EXT2: variants seen among roughly 807,000 people sequenced by gnomAD.
EXT2 encodes exostosin-2.
Under a neutral mutation model 81.6 loss-of-function variants are expected in EXT2, and 53 were observed. That is an observed-to-expected ratio of 0.65 (90% CI 0.52 to 0.82). The LOEUF is 0.82. Among genes scored for constraint, EXT2 ranks in the 40% least tolerant of loss-of-function variants. The probability of loss-of-function intolerance (pLI) is 0.00; values close to 1 mark genes in which losing one functional copy is unlikely to be tolerated. For synonymous variants in EXT2, 320 were observed against 340.0 expected, an observed-to-expected ratio of 0.94 and a Z score of 0.65; for missense variants, 774 against 910.2, an observed-to-expected ratio of 0.85 and a Z score of 1.93.
At chr11:44,143,582 A>G (rs1954674611) in intron 7 of EXT2, among the ~76,000 whole-genome samples, 1 of 152,124 alleles carries the variant, frequency 6.6e-6, no homozygotes, top group Non-Finnish European at 1.5e-5. Flanking sequence ...AAGAGTCTCA[A>G]TTTGGGAAAC....
chr11:44,147,074 C>T (rs1285665592), intron 7 of EXT2, among the ~76,000 whole-genome samples: 1 of 152,120 alleles, frequency 6.6e-6, no homozygotes, highest in Non-Finnish European at 1.5e-5. Flanking sequence ...ATCCTTGTAA[C>T]ATTGCATGCC....
intron 10 of EXT2, among the ~76,000 whole-genome samples, chr11:44,208,160 C>T (rs1166890209): frequency 6.6e-6 from 1 of 151,168 alleles, no homozygotes; most frequent in Non-Finnish European, 1.5e-5. Context: ...AACAAATTGC[C>T]TACTTGTTTT....
intron 13 of EXT2, among the ~76,000 whole-genome samples, chr11:44,242,840 C>T (rs1956052025): frequency 1.3e-5 from 2 of 152,136 alleles, no homozygotes; most frequent in Admixed American, 1.3e-4. Context: ...TTGGCTCTAG[C>T]TTTTTCTAGT....
chr11:44,164,958 A>G (rs1406582148), intron 7 of EXT2, among the ~76,000 whole-genome samples: 3 of 147,598 alleles, frequency 2.0e-5, no homozygotes, highest in Middle Eastern at 3.5e-3. Context: ...GGCTCACTGC[A>G]AGCTCCGCCT....
At chr11:44,135,917 A>G (rs1954559972) in intron 7 of EXT2, among the ~76,000 whole-genome samples, 1 of 152,228 alleles carries the variant, frequency 6.6e-6, no homozygotes, top group Admixed American at 6.5e-5. Context: ...CAAAACTGTT[A>G]TTAATGTGGC....
In EXT2 at chr11:44,247,200, C is replaced by T. The variant is rs186933779; in HGVS notation, c.*2913C>T. Among the ~76,000 whole-genome samples, 14 of 150,482 alleles carry T rather than the reference C, an allele frequency of 9.3e-5. No homozygotes were observed. The highest frequency in any genetic ancestry group is 3.2e-4 in the African/African-American group (13 of 41,044). On this transcript the variant is annotated 3_prime_UTR_variant, in exon 14 of 14. Transcript: ENST00000533608. Reference sequence around the variant, plus strand: ...AGAGAAAAACAGCAACTTTAGTTGTCAGAATCTTGTGTTCTTTCCTGCCAG... The same window carrying T: ...AGAGAAAAACAGCAACTTTAGTTGTTAGAATCTTGTGTTCTTTCCTGCCAG...
intron 10 of EXT2, among the ~76,000 whole-genome samples, chr11:44,217,398 A>G (rs915479043): frequency 5.9e-5 from 9 of 152,096 alleles, no homozygotes; most frequent in African/African-American, 4.8e-5. Flanking sequence ...GTGTGTTTAT[A>G]TGGGTCGTAT....
In EXT2 at chr11:44,220,262, A is replaced by C. The variant is rs948878562; in HGVS notation, c.1663-12091A>C. ...AAAGTTGAGCTTTTAGAAAACCATAATTTTTTTAGGCCTGTTGTGTACCCT... is the reference window on the plus strand; with the variant it reads ...AAAGTTGAGCTTTTAGAAAACCATACTTTTTTTAGGCCTGTTGTGTACCCT... On this transcript the variant is annotated intron_variant, in intron 10 of 13. Transcript: ENST00000533608. The surrounding 1 kb of genome is among the most constrained non-coding windows in gnomAD (Gnocchi z 4.4). Among the ~76,000 whole-genome samples the C allele has an allele frequency of 6.6e-6, 1 of 152,096 alleles. No individual in the cohort carries two copies. Among genetic ancestry groups the C allele is most frequent in the Non-Finnish European group, 1.5e-5 (1 of 68,024 alleles).
At chr11:44,105,787 A>G (rs1954046364) in intron 1 of EXT2, among the ~76,000 whole-genome samples, 1 of 152,212 alleles carries the variant, frequency 6.6e-6, no homozygotes, top group Non-Finnish European at 1.5e-5. Context: ...CTACATTTTT[A>G]GCTGAGGACT....
chr11:44,171,080 T>C (rs1478646655), intron 7 of EXT2, among the ~76,000 whole-genome samples: 1 of 152,134 alleles, frequency 6.6e-6, no homozygotes, highest in African/African-American at 2.4e-5. Context: ...GAAGAGTAAA[T>C]ACTGTTTGAT....
intron 7 of EXT2, among the ~76,000 whole-genome samples, chr11:44,130,682 T>A (rs1405728743): frequency 6.6e-6 from 1 of 152,248 alleles, no homozygotes; most frequent in Non-Finnish European, 1.5e-5. Flanking sequence ...CCACTTGATG[T>A]CCCACTGAGT....
At chr11:44,227,682 G>A (rs1222581759) in intron 10 of EXT2, among the ~76,000 whole-genome samples, 2 of 152,194 alleles carry the variant, frequency 1.3e-5, no homozygotes, top group Non-Finnish European at 1.5e-5. Flanking sequence ...GACCTCAGGA[G>A]GCTCAAGAAA....
intron 6 of EXT2, among the ~76,000 whole-genome samples, chr11:44,127,198 T>G (rs1301987973): frequency 6.6e-6 from 1 of 152,214 alleles, no homozygotes; most frequent in Non-Finnish European, 1.5e-5. Context: ...TTCCTTTACG[T>G]ATAGTCTGGC....
chr11:44,236,257 C>T (rs530683423), intron 12 of EXT2, 36 bp from the exon 13 acceptor site: 2 of 1,593,176 alleles, frequency 1.3e-6, no homozygotes, highest in Admixed American at 3.3e-5. Context: ...GTCCTTGACA[C>T]TGACAGCCAG....
chr11:44,118,969 T>G (rs1305664094), intron 4 of EXT2, among the ~76,000 whole-genome samples: 1 of 151,056 alleles, frequency 6.6e-6, no homozygotes, highest in East Asian at 1.9e-4. Context: ...CCTCCTAAAG[T>G]TGTTCTGGAA....
intron 13 of EXT2, among the ~76,000 whole-genome samples, chr11:44,243,945 G>T (rs1268514218): frequency 2.0e-5 from 3 of 152,114 alleles, no homozygotes. Context: ...AGTACCCCCA[G>T]TTCACCGCTT....
intron 10 of EXT2, among the ~76,000 whole-genome samples, chr11:44,222,361 C>T (rs1955791142): frequency 6.6e-6 from 1 of 152,174 alleles, no homozygotes; most frequent in Non-Finnish European, 1.5e-5. Flanking sequence ...ATTGTATCTG[C>T]CTTGTTTACC....
intron 12 of EXT2, among the ~76,000 whole-genome samples, chr11:44,235,498 G>A (rs987145435): frequency 3.3e-5 from 5 of 151,656 alleles, no homozygotes; most frequent in African/African-American, 7.3e-5. Context: ...CACCCGCTTC[G>A]GCCTCCCAAA....
intron 1 of EXT2, among the ~76,000 whole-genome samples, chr11:44,101,008 C>G (rs1953973672): frequency 1.3e-5 from 2 of 152,166 alleles, no homozygotes; most frequent in South Asian, 4.1e-4. Context: ...CCTTCCACTC[C>G]CCTCAGATCT....
Sources: gnomAD v4.1 joint callset for allele counts (sites outside exome capture counted in the v4.1 genomes callset) on GRCh38, gnomAD v4.1.1 for gene constraint, Gnocchi (gnomAD v3.1) non-coding constraint, MANE v1.5 for transcripts, NCBI Gene and HGNC (gene_info 2026-07-23, HGNC 2026-07-21) for gene names.